Variants in RNF111 observed in about 807,000 individuals in gnomAD.
RNF111 encodes the protein E3 ubiquitin-protein ligase Arkadia.
Under a neutral mutation model 95.1 loss-of-function variants are expected in RNF111, and 17 were observed. The observed-to-expected ratio is 0.18, with a 90% CI of 0.12 to 0.27. The LOEUF is 0.27. Ranked by LOEUF, RNF111 falls within the 10% of genes least tolerant of loss-of-function variation. The pLI is 1.00. For synonymous variants in RNF111, 440 were observed against 414.8 expected, an observed-to-expected ratio of 1.06 and a Z score of -0.74; for missense variants, 1,189 against 1,210.4, an observed-to-expected ratio of 0.98 and a Z score of 0.26.
rs1278571477 is a variant in RNF111, at chr15:59,058,533, C to T, written c.1349C>T (p.Thr450Ile). 6.2e-7 allele frequency: 1 copy of T among 1,613,876 alleles called. No homozygotes were observed. Among genetic ancestry groups the T allele is most frequent in the African/African-American group, 1.3e-5 (1 of 75,042 alleles). ...GCTACTCTTACAAGCAATAGTACCA[C>T]TGGCACTTCTATAGGAGGTATGTAA... ...TSATLTSNST[T>I]GTSIGDDSRR... Residue 450 changes from threonine (T) to isoleucine (I), a missense_variant, in exon 5 of 14, where the codon ACT becomes ATT. Around this residue, in one of 2 missense-constraint regions of RNF111, gnomAD observed 1,024 missense variants for 925.9 expected, o/e 1.11. Transcript: ENST00000348370.
intron 1 of RNF111, among the ~76,000 whole-genome samples, chr15:59,001,677 C>G (rs114020934): frequency 0.038 from 5,830 of 152,128 alleles, 194 homozygotes; most frequent in African/African-American, 0.088. Flanking sequence ...ATACTTAATA[C>G]TTTTATTAAG....
intron 9 of RNF111, among the ~76,000 whole-genome samples, chr15:59,084,742 C>T (rs561994226): frequency 6.6e-6 from 1 of 152,058 alleles, no homozygotes; most frequent in African/African-American, 2.4e-5. Context: ...TTGTACCCAT[C>T]GACCAGCATC....
At chr15:59,002,153 A>C (rs2039351215) in intron 1 of RNF111, among the ~76,000 whole-genome samples, 1 of 152,206 alleles carries the variant, frequency 6.6e-6, no homozygotes, top group South Asian at 2.1e-4. Context: ...AGGTAACTGA[A>C]ACCGTAGACA....
At chr15:59,075,563 A>G (rs1426261167) in intron 6 of RNF111, among the ~76,000 whole-genome samples, 2 of 152,228 alleles carry the variant, frequency 1.3e-5, no homozygotes, top group Non-Finnish European at 1.5e-5. Flanking sequence ...ATGTTTTCTC[A>G]AGGAGTCCTA....
chr15:59,006,717 G>A (rs564072241), intron 1 of RNF111, among the ~76,000 whole-genome samples: 4 of 152,222 alleles, frequency 2.6e-5, no homozygotes, highest in African/African-American at 9.6e-5. Context: ...AGTTACAGAC[G>A]CCAGTGCATT....
intron 1 of RNF111, among the ~76,000 whole-genome samples, chr15:59,009,357 C>A (rs1414428200): frequency 1.3e-5 from 2 of 152,016 alleles, no homozygotes; most frequent in African/African-American, 4.8e-5. Context: ...GTGAGGGTGA[C>A]TATCTCTGTG....
chr15:59,026,310 C>T lies in RNF111; in HGVS notation c.-19-4494C>T, dbSNP rs193133458. On this transcript the variant is annotated intron_variant, in intron 1 of 13. Transcript: ENST00000348370. The stretch of plus-strand genomic sequence containing the variant: ...AAAGTTAGTATTTTTTTTTAGCTAT[C>T]GTATTTTCTTAGTGCAAGGTTTACT... 2.5e-3 allele frequency among the ~76,000 whole-genome samples: 372 copies of T among 151,800 alleles called. 3 individuals are homozygous for T. The highest frequency in any genetic ancestry group is 2.3e-3 in the Non-Finnish European group (156 of 67,934).
intron 1 of RNF111, among the ~76,000 whole-genome samples, chr15:58,991,576 G>A (rs79091558): frequency 0.053 from 8,086 of 152,214 alleles, 384 homozygotes; most frequent in African/African-American, 0.13. Flanking sequence ...GAGTGGTTAG[G>A]GAGGGCCTTT....
intron 2 of RNF111, among the ~76,000 whole-genome samples, chr15:59,035,405 G>C (rs1047333266): frequency 2.0e-5 from 3 of 152,112 alleles, no homozygotes; most frequent in African/African-American, 7.2e-5. Flanking sequence ...CTGAGACAAG[G>C]CAAGTCCCTT....
intron 2 of RNF111, chr15:59,049,531 CT>C: frequency 5.4e-6 from 1 of 183,756 alleles, no homozygotes; most frequent in Non-Finnish European, 1.2e-5. Flanking sequence ...TGGCTTCCTT[CT>C]TTTTCTGATC....
intron 2 of RNF111, among the ~76,000 whole-genome samples, chr15:59,037,220 G>T (rs1383159733): frequency 6.6e-6 from 1 of 152,084 alleles, no homozygotes; most frequent in African/African-American, 2.4e-5. Context: ...CTTTATTAGG[G>T]ATTTCTATTA....
chr15:59,022,092 T>G (rs2040373069), intron 1 of RNF111, among the ~76,000 whole-genome samples: 1 of 152,164 alleles, frequency 6.6e-6, no homozygotes, highest in Admixed American at 6.5e-5. Context: ...ACTCCTGACC[T>G]AAAGTGATCT....
At chr15:59,004,066 T>C (rs1027410158) in intron 1 of RNF111, 3 of 677,792 alleles carry the variant, frequency 4.4e-6, no homozygotes, top group Non-Finnish European at 5.8e-6. Context: ...GTAGCTGAGT[T>C]GATCTTTTTG....
At chr15:59,017,985 C>A (rs1284335751) in intron 1 of RNF111, among the ~76,000 whole-genome samples, 7 of 152,046 alleles carry the variant, frequency 4.6e-5, no homozygotes, top group African/African-American at 1.7e-4. Flanking sequence ...TCTCGAACTC[C>A]TGACCTCAGG....
intron 1 of RNF111, among the ~76,000 whole-genome samples, chr15:59,009,925 C>T (rs1381762968): frequency 6.6e-6 from 1 of 152,170 alleles, no homozygotes; most frequent in Admixed American, 6.6e-5. Flanking sequence ...CATTGTGCTC[C>T]AGCCTGGGCA....
At chr15:59,010,384 GTT>G (rs1596067651) in intron 1 of RNF111, among the ~76,000 whole-genome samples, 1 of 152,022 alleles carries the variant, frequency 6.6e-6, no homozygotes, top group African/African-American at 2.4e-5. Flanking sequence ...TTCCACATCT[GTT>G]TTATTTATTT....
intron 1 of RNF111, among the ~76,000 whole-genome samples, chr15:59,008,755 C>G (rs554943260): frequency 4.9e-4 from 75 of 151,886 alleles, no homozygotes; most frequent in African/African-American, 1.8e-3. Context: ...TTTTAAAAAT[C>G]ATATTACATT....
intron 1 of RNF111, among the ~76,000 whole-genome samples, chr15:58,991,439 A>C (rs1026273753): frequency 1.3e-5 from 2 of 152,222 alleles, no homozygotes; most frequent in Admixed American, 1.3e-4. Context: ...CTCTGCCTTC[A>C]TGGAGCTGAC....
At chr15:59,016,191 G>A (rs1184466062) in intron 1 of RNF111, among the ~76,000 whole-genome samples, 1 of 145,928 alleles carries the variant, frequency 6.9e-6, no homozygotes, top group Non-Finnish European at 1.5e-5. Flanking sequence ...TTTTTTTAGA[G>A]ATAGAGTCTT....
Sources: allele counts gnomAD v4.1 joint callset (sites outside exome capture counted in the v4.1 genomes callset), GRCh38; gene constraint gnomAD v4.1.1; regional missense constraint gnomAD v4.1.1; transcripts MANE v1.5; gene names NCBI Gene and HGNC (gene_info 2026-07-23, HGNC 2026-07-21).